GRIK4: variants seen among roughly 807,000 people sequenced by gnomAD.
GRIK4 encodes the protein glutamate ionotropic receptor kainate type subunit 4, also known as glutamate receptor ionotropic, kainate 4.
A neutral mutation model predicts 104.9 loss-of-function variants in GRIK4; 40 were observed. The ratio of observed to expected loss-of-function variants is 0.38; its 90% confidence interval spans 0.30 to 0.50. The LOEUF (loss-of-function observed/expected upper bound fraction) is 0.50. GRIK4 is among the 20% of genes least tolerant of loss of function. The probability of loss-of-function intolerance (pLI) is 0.93; values close to 1 mark genes in which losing one functional copy is unlikely to be tolerated. For synonymous variants in GRIK4, 485 were observed against 524.9 expected, an observed-to-expected ratio of 0.92 and a Z score of 1.04; for missense variants, 1,047 against 1,308.1, an observed-to-expected ratio of 0.80 and a Z score of 3.08.
In GRIK4 at chr11:120,666,157, T is replaced by C. The variant is rs190599875; in HGVS notation, c.82+5757T>C. 4.5e-4 allele frequency among the ~76,000 whole-genome samples: 69 copies of C among 152,272 alleles called. No individual in the cohort carries two copies. The East Asian group carries it at 8.9e-3, about 20-fold the overall frequency. The stretch of plus-strand genomic sequence containing the variant: ...GTGACATTTGTGCCATGGTTTGTGG[T>C]GTATAGCGTGTTCTTACACACATGT... On this transcript the variant is annotated intron_variant, in intron 3 of 20. Transcript: ENST00000527524.
rs906847218 is a variant in GRIK4 at position 120,762,607 on chromosome 11, G to A, written c.83-40086G>A. On this transcript the variant is annotated intron_variant, in intron 3 of 20. Coordinates refer to ENST00000527524, the MANE Select transcript of GRIK4 (RefSeq NM_014619.5). ...AGTAGCTCTTATTATTTTGAGATAC[G>A]TTCCATCAATACCTAGTTTATTGAG... Among the ~76,000 whole-genome samples, 6 of 152,074 alleles carry A rather than the reference G, an allele frequency of 3.9e-5. No homozygotes were observed. In the East Asian group the frequency reaches 9.6e-4, roughly 24 times the overall value.
chr11:120,881,570 A>G (rs757123633), intron 11 of GRIK4, among the ~76,000 whole-genome samples: 9 of 152,186 alleles, frequency 5.9e-5, no homozygotes, highest in African/African-American at 2.2e-4. Flanking sequence ...AAGGAGGAGG[A>G]TGGATGAGAT....
chr11:120,548,071 G>A (rs1362227655), intron 1 of GRIK4, among the ~76,000 whole-genome samples: 1 of 152,202 alleles, frequency 6.6e-6, no homozygotes, highest in East Asian at 1.9e-4. Flanking sequence ...TGAAGCCTGT[G>A]TGTGACAGTG....
chr11:120,901,031 C>T lies in GRIK4; in HGVS notation c.1272+2392C>T, dbSNP rs12294254. The stretch of plus-strand genomic sequence containing the variant: ...CTTCTATCCATCCGCAAAGCCCCTG[C>T]CCTAATCCAGGATCGGGGCCCCTCT... On this transcript the variant is annotated intron_variant, in intron 12 of 20. Coordinates refer to ENST00000527524, the MANE Select transcript of GRIK4 (RefSeq NM_014619.5). Among the ~76,000 whole-genome samples the T allele has an allele frequency of 5.0e-3, 762 of 152,322 alleles. 7 individuals are homozygous for T. Among genetic ancestry groups the T allele is most frequent in the African/African-American group, 0.017 (722 of 41,572 alleles).
intron 3 of GRIK4, among the ~76,000 whole-genome samples, chr11:120,708,677 T>C (rs1274435203): frequency 6.6e-6 from 1 of 152,190 alleles, no homozygotes; most frequent in Non-Finnish European, 1.5e-5. Flanking sequence ...GCTGCCCGCC[T>C]AAAGGTTAAT....
intron 8 of GRIK4, among the ~76,000 whole-genome samples, chr11:120,861,658 C>T (rs1954265746): frequency 6.6e-6 from 1 of 152,150 alleles, no homozygotes; most frequent in Non-Finnish European, 1.5e-5. Flanking sequence ...GGAAAAAACC[C>T]TGTGTGCCTA....
chr11:120,591,612 C>T (rs116184081), intron 1 of GRIK4, among the ~76,000 whole-genome samples: 13 of 152,286 alleles, frequency 8.5e-5, no homozygotes, highest in African/African-American at 3.1e-4. Context: ...CTTCCCTCTT[C>T]CCTCCACCAC....
chr11:120,844,371 G>A (rs1479714568), intron 8 of GRIK4, among the ~76,000 whole-genome samples: 5 of 152,144 alleles, frequency 3.3e-5, no homozygotes, highest in African/African-American at 7.2e-5. Flanking sequence ...CATCTCAAGT[G>A]GGAATCCATT....
chr11:120,828,827 A>G (rs185563021), intron 6 of GRIK4, among the ~76,000 whole-genome samples: 8 of 152,342 alleles, frequency 5.3e-5, no homozygotes, highest in Non-Finnish European at 1.0e-4. Context: ...AGGACAGCAG[A>G]ACTCTCCAAG....
intron 3 of GRIK4, among the ~76,000 whole-genome samples, chr11:120,738,786 G>A (rs948031): frequency 0.75 from 114,386 of 152,084 alleles, 43,268 homozygotes; most frequent in Middle Eastern, 0.85. Context: ...AAGTTGAGAG[G>A]ATGTATTCTC....
chr11:120,759,791 G>T (rs1160995740), intron 3 of GRIK4, among the ~76,000 whole-genome samples: 2 of 151,992 alleles, frequency 1.3e-5, no homozygotes, highest in African/African-American at 4.8e-5. Flanking sequence ...GGCTTTGTGG[G>T]CCATATGGTC....
intron 1 of GRIK4, among the ~76,000 whole-genome samples, chr11:120,550,394 T>C (rs1344453777): frequency 6.7e-6 from 1 of 150,320 alleles, no homozygotes; most frequent in Non-Finnish European, 1.5e-5. Flanking sequence ...GAGCCGATGC[T>C]GATTAGACAA....
intron 5 of GRIK4, among the ~76,000 whole-genome samples, chr11:120,816,092 G>T (rs1335420969): frequency 6.6e-6 from 1 of 152,020 alleles, no homozygotes; most frequent in South Asian, 2.1e-4. Flanking sequence ...GAGTCCATTT[G>T]CTCTAGTTCT....
chr11:120,697,590 G>A (rs1950473040), intron 3 of GRIK4, among the ~76,000 whole-genome samples: 1 of 152,178 alleles, frequency 6.6e-6, no homozygotes, highest in Non-Finnish European at 1.5e-5. Flanking sequence ...ACTCCAGTCT[G>A]GGCGACAGAG....
At chr11:120,898,754 C>T (rs1942653660) in intron 12 of GRIK4, 115 bp downstream of exon 12, 3 of 668,994 alleles carry the variant, frequency 4.5e-6, no homozygotes, top group Non-Finnish European at 5.5e-6. Flanking sequence ...CAGCACTGAG[C>T]CCAATTTATG....
intron 3 of GRIK4, among the ~76,000 whole-genome samples, chr11:120,694,530 C>T (rs1375714927): frequency 6.6e-6 from 1 of 152,232 alleles, no homozygotes; most frequent in Non-Finnish European, 1.5e-5. Context: ...CACCCACCCC[C>T]CAACCCAACC....
Position 120,967,179 on chromosome 11 carries a change from C to T in GRIK4, c.2267-16C>T. The stretch of plus-strand genomic sequence containing the variant: ...ATTCACAACCTGTGTCCTGGGCTCT[C>T]CCGTAACCCCCGCAGGCTCGGTTTT... On this transcript the variant is annotated splice_polypyrimidine_tract_variant and intron_variant, in intron 18 of 20. Coordinates refer to ENST00000527524, the MANE Select transcript of GRIK4 (RefSeq NM_014619.5). The surrounding 1 kb of genome is among the most constrained non-coding windows in gnomAD (Gnocchi z 4.2). The T allele has an allele frequency of 6.2e-7, 1 of 1,608,708 alleles. No homozygotes were observed. Among genetic ancestry groups the T allele is most frequent in the South Asian group, 1.1e-5 (1 of 89,694 alleles).
intron 11 of GRIK4, among the ~76,000 whole-genome samples, chr11:120,880,541 G>A (rs1011116486): frequency 6.6e-6 from 1 of 152,174 alleles, no homozygotes; most frequent in African/African-American, 2.4e-5. Context: ...AAAGTCCAAG[G>A]TCTTTCCACT....
chr11:120,572,896 G>A (rs1358045992), intron 1 of GRIK4, among the ~76,000 whole-genome samples: 1 of 152,158 alleles, frequency 6.6e-6, no homozygotes, highest in Non-Finnish European at 1.5e-5. Context: ...TGTGCAAGAA[G>A]ATTGGAAAGC....
Sources: gnomAD v4.1 joint callset for allele counts (sites outside exome capture counted in the v4.1 genomes callset) on GRCh38, gnomAD v4.1.1 for gene constraint, Gnocchi (gnomAD v3.1) non-coding constraint, MANE v1.5 for transcripts, NCBI Gene and HGNC (gene_info 2026-07-23, HGNC 2026-07-21) for gene names.